Variants in IGF1R observed in about 807,000 individuals in gnomAD.
The protein encoded by IGF1R is insulin-like growth factor 1 receptor.
In IGF1R, 44 loss-of-function variants were observed where a neutral mutation model predicts 144.6. The observed-to-expected ratio is 0.30, with a 90% confidence interval of 0.24 to 0.39. The LOEUF is 0.39. IGF1R is among the 10% of genes least tolerant of loss of function. The pLI, the probability that IGF1R is intolerant of heterozygous loss-of-function variation, is 1.00. For missense variants in IGF1R, 1,355 were observed against 1,833.7 expected (o/e 0.74, Z 4.77); for synonymous variants, 795 against 722.8 (o/e 1.10, Z -1.60).
At chr15:98,878,477 G>A in intron 2 of IGF1R, among the ~76,000 whole-genome samples, 1 of 152,048 alleles carries the variant, frequency 6.6e-6, no homozygotes, top group Non-Finnish European at 1.5e-5. Context: ...AAAATAACTT[G>A]AAGTAACTTT....
chr15:98,798,290 G>A (rs1041620074), intron 2 of IGF1R, among the ~76,000 whole-genome samples: 1 of 152,082 alleles, frequency 6.6e-6, no homozygotes. Context: ...ACATTTGGAC[G>A]AAGACCTAAA....
At chr15:98,657,545 G>A (rs529282385) in intron 1 of IGF1R, among the ~76,000 whole-genome samples, 48 of 152,300 alleles carry the variant, frequency 3.2e-4, no homozygotes, top group African/African-American at 1.1e-3. Flanking sequence ...AGATTGCCAC[G>A]AAAACAAATG....
chr15:98,720,338 CTGACT>C (rs2054218089), intron 2 of IGF1R, among the ~76,000 whole-genome samples: 1 of 152,226 alleles, frequency 6.6e-6, no homozygotes, highest in Non-Finnish European at 1.5e-5. Flanking sequence ...GCCTCTTCTA[CTGACT>C]TTCCTTCCAG....
intron 2 of IGF1R, among the ~76,000 whole-genome samples, chr15:98,871,109 A>G (rs1402597083): frequency 6.6e-6 from 1 of 152,216 alleles, no homozygotes; most frequent in Non-Finnish European, 1.5e-5. Flanking sequence ...TGCAACTCAG[A>G]TATCCAGCCC....
At chr15:98,882,483 C>T (rs756264564) in intron 2 of IGF1R, among the ~76,000 whole-genome samples, 3 of 152,228 alleles carry the variant, frequency 2.0e-5, no homozygotes, top group Non-Finnish European at 2.9e-5. Context: ...GTAAATTTCT[C>T]TTCAGATCTA....
chr15:98,831,703 A>G (rs960168959), intron 2 of IGF1R, among the ~76,000 whole-genome samples: 2 of 152,206 alleles, frequency 1.3e-5, no homozygotes, highest in Non-Finnish European at 2.9e-5. Context: ...GTGAGAAGGT[A>G]TTGGGGGTGT....
intron 2 of IGF1R, among the ~76,000 whole-genome samples, chr15:98,743,074 G>A (rs942214826): frequency 8.5e-5 from 13 of 152,140 alleles, no homozygotes; most frequent in African/African-American, 3.1e-4. Flanking sequence ...TAGTAAATAG[G>A]TTTTGTTCGT....
chr15:98,824,601 A>C lies in IGF1R; in HGVS notation c.641-66724A>C, dbSNP rs557158064. Reference sequence around the variant, plus strand: ...CTGCTTTCCAGAGGCATGGGCCATTAGGCTGGTTTTCTGAAGGTTCTGCCA... The same window carrying C: ...CTGCTTTCCAGAGGCATGGGCCATTCGGCTGGTTTTCTGAAGGTTCTGCCA... On this transcript the variant is annotated intron_variant, in intron 2 of 20. Transcript: ENST00000650285. Among the ~76,000 whole-genome samples, 4 of 152,298 alleles carry C rather than the reference A, an allele frequency of 2.6e-5. No homozygotes were observed. In the South Asian group the frequency reaches 8.3e-4, roughly 32 times the overall value.
rs3743249 is a variant in IGF1R, at chr15:98,962,194, G to T, written c.*4752G>T. The T allele has an allele frequency of 0.33, 76,211 of 233,090 alleles. 13,802 individuals are homozygous for T. Among genetic ancestry groups the T allele is most frequent in the African/African-American group, 0.51 (23,175 of 45,372 alleles). The allele number at this position is 233,090 out of a possible 1,614,324, so 14.4% of individuals were successfully genotyped here. On this transcript the variant is annotated 3_prime_UTR_variant, in exon 21 of 21. Coordinates refer to ENST00000650285, the MANE Select transcript of IGF1R (RefSeq NM_000875.5). ...AGCTGTCACGTTGGCTCCTTCCAGG[G>T]TGGCCAGACGGTGTTGGCCACTCCC...
chr15:98,747,981 G>A (rs1287842751), intron 2 of IGF1R, among the ~76,000 whole-genome samples: 1 of 152,120 alleles, frequency 6.6e-6, no homozygotes, highest in Admixed American at 6.5e-5. Flanking sequence ...AAAGATTTCG[G>A]TAATATATTT....
rs1375056282 is a variant in IGF1R, at chr15:98,745,879, G to T, written c.640+37772G>T. Among the ~76,000 whole-genome samples the T allele has an allele frequency of 2.0e-5, 3 of 152,344 alleles. No individual in the cohort carries two copies. The East Asian group carries it at 5.8e-4, about 29-fold the overall frequency. On this transcript the variant is annotated intron_variant, in intron 2 of 20. Coordinates refer to ENST00000650285, the MANE Select transcript of IGF1R (RefSeq NM_000875.5). ...ATAAATGCGTGTTACCTTTGACCCA[G>T]AAATTCTACTTCTAGGAATTTATCT...
intron 2 of IGF1R, among the ~76,000 whole-genome samples, chr15:98,781,910 G>C (rs1437201788): frequency 6.6e-5 from 10 of 152,090 alleles, no homozygotes; most frequent in Admixed American, 6.5e-4. Context: ...AACATTTCTT[G>C]AACTCTGAAA....
intron 1 of IGF1R, among the ~76,000 whole-genome samples, chr15:98,677,636 A>G (rs2053081808): frequency 6.6e-6 from 1 of 152,150 alleles, no homozygotes. Flanking sequence ...CTGTTTGTTC[A>G]TCCTTAGCCT....
intron 2 of IGF1R, among the ~76,000 whole-genome samples, chr15:98,879,299 T>G (rs2013250191): frequency 6.6e-6 from 1 of 152,216 alleles, no homozygotes; most frequent in African/African-American, 2.4e-5. Context: ...ACAGTGATAG[T>G]AAAAGAAGTA....
intron 2 of IGF1R, among the ~76,000 whole-genome samples, chr15:98,744,757 G>GCTCTGT: frequency 6.7e-6 from 1 of 150,314 alleles, no homozygotes; most frequent in Admixed American, 6.6e-5. Flanking sequence ...AATGCAAACT[G>GCTCTGT]CTCTGTTTTT....
At chr15:98,822,135 G>A (rs1380413118) in intron 2 of IGF1R, among the ~76,000 whole-genome samples, 1 of 152,164 alleles carries the variant, frequency 6.6e-6, no homozygotes, top group Non-Finnish European at 1.5e-5. Flanking sequence ...TCCCTGCAGG[G>A]ACTGTTGCAG....
intron 2 of IGF1R, among the ~76,000 whole-genome samples, chr15:98,758,290 TCTC>T (rs1242954443): frequency 2.0e-5 from 3 of 152,252 alleles, no homozygotes; most frequent in South Asian, 2.1e-4. Context: ...CCCGTCTAGT[TCTC>T]CTTTCTTGGT....
intron 8 of IGF1R, among the ~76,000 whole-genome samples, chr15:98,914,776 C>T (rs528635034): frequency 3.9e-5 from 6 of 152,276 alleles, no homozygotes; most frequent in East Asian, 3.9e-4. Context: ...TGTCCTTACA[C>T]GCAGCGGAGA....
At chr15:98,817,882 T>C (rs1294880393) in intron 2 of IGF1R, among the ~76,000 whole-genome samples, 1 of 152,228 alleles carries the variant, frequency 6.6e-6, no homozygotes, top group Non-Finnish European at 1.5e-5. Context: ...TGCCTCTGCC[T>C]ACTTCACCTC....
Sources: gnomAD v4.1 joint callset for allele counts (sites outside exome capture counted in the v4.1 genomes callset) on GRCh38, gnomAD v4.1.1 for gene constraint, MANE v1.5 for transcripts, NCBI Gene and HGNC (gene_info 2026-07-23, HGNC 2026-07-21) for gene names.